ZNF331: variants seen among roughly 807,000 people sequenced by gnomAD.
The protein encoded by ZNF331 is C2H2-like zinc finger protein rearranged in thyroid adenomas.
A neutral mutation model predicts 7.0 loss-of-function variants in ZNF331; 2 were observed. The ratio of observed to expected loss-of-function variants is 0.29; its 90% CI spans 0.12 to 0.90. The LOEUF (loss-of-function observed/expected upper bound fraction) is 0.90. Ranked by LOEUF, ZNF331 falls within the 40% of genes least tolerant of loss-of-function variation. ZNF331 has a pLI of 0.58. For missense variants in ZNF331, 432 were observed against 587.7 expected (o/e 0.74, Z 2.74); for synonymous variants, 196 against 205.4 (o/e 0.95, Z 0.39).
At chr19:53,522,425 C>T (rs1258406364) in intron 1 of ZNF331, among the ~76,000 whole-genome samples, 1 of 151,966 alleles carries the variant, frequency 6.6e-6, no homozygotes, top group East Asian at 1.9e-4. Context: ...TTAGTAGAGA[C>T]GGGATTTCAC....
the ZNF331 span, among the ~76,000 whole-genome samples, chr19:53,514,493 G>A: frequency 1.3e-5 from 2 of 152,212 alleles, no homozygotes; most frequent in Admixed American, 6.5e-5. Context: ...GAGCCACCGC[G>A]CCTAGCCCTA....
At position 53,577,977 on chromosome 19, in the gene ZNF331, G is replaced by T. The variant is rs373263849; in HGVS notation, c.*25G>T. 1.3e-6 allele frequency: 2 copies of T among 1,582,980 alleles called. No homozygotes were observed. Among genetic ancestry groups the T allele is most frequent in the East Asian group, 4.5e-5 (2 of 44,386 alleles). ...AAGAGCCTTTTGAACGCAGTAGCCC[G>T]CTCGTATCTATGGTTTCGCTTTCCA... is the stretch of plus-strand genomic sequence containing the variant. On this transcript the variant is annotated 3_prime_UTR_variant, in exon 6 of 6. Coordinates refer to ENST00000449416, the MANE Select transcript of ZNF331 (RefSeq NM_001079906.2).
chr19:53,504,666 A>G, the ZNF331 span, among the ~76,000 whole-genome samples: 2 of 152,228 alleles, frequency 1.3e-5, no homozygotes, highest in African/African-American at 4.8e-5. Context: ...AGTAAAATAT[A>G]TATTTTCTCA....
chr19:53,577,835 G>GCTTACAC lies in ZNF331; in HGVS notation c.1276_1282dup (p.Gln428ProfsTer17). ...GGAAGAGCTTTAGTCACGGCCATCAGCTTACACAACATCAGAAAACGCACA... is the reference window on the plus strand; with the variant it reads ...GGAAGAGCTTTAGTCACGGCCATCAGCTTACACCTTACACAACATCAGAAAACGCACA... On this transcript the variant is annotated frameshift_variant, in exon 6 of 6. Coordinates refer to ENST00000449416, the MANE Select transcript of ZNF331 (RefSeq NM_001079906.2). LOFTEE classifies it low-confidence loss of function (END_TRUNC). The GCTTACAC allele has an allele frequency of 6.2e-7, 1 of 1,613,574 alleles. No homozygotes were observed. Among genetic ancestry groups the GCTTACAC allele is most frequent in the Non-Finnish European group, 8.5e-7 (1 of 1,179,932 alleles).
At chr19:53,540,405 T>TGTGTGC (rs930647555) in intron 2 of ZNF331, among the ~76,000 whole-genome samples, 1 of 152,094 alleles carries the variant, frequency 6.6e-6, no homozygotes, top group African/African-American at 2.4e-5. Flanking sequence ...CTAGGAGGTG[T>TGTGTGC]GTGTGCTTGG....
At chr19:53,559,638 C>T (rs2089712327) in intron 3 of ZNF331, among the ~76,000 whole-genome samples, 1 of 149,200 alleles carries the variant, frequency 6.7e-6, no homozygotes, top group Non-Finnish European at 1.5e-5. Flanking sequence ...ACACACACAT[C>T]CCATATATAC....
chr19:53,575,499 CTTTTTT>C (rs34296898), intron 5 of ZNF331, among the ~76,000 whole-genome samples: 1 of 75,868 alleles, frequency 1.3e-5, no homozygotes, highest in African/African-American at 5.6e-5. Flanking sequence ...TACCCAGTTG[CTTTTTT>C]TTTTTTTTTT....
chr19:53,528,867 C>T (rs1262686094), intron 2 of ZNF331, among the ~76,000 whole-genome samples: 1 of 152,050 alleles, frequency 6.6e-6, no homozygotes, highest in Non-Finnish European at 1.5e-5. Context: ...CCACTGCAGC[C>T]TCCGCCTCCC....
chr19:53,566,688 C>T (rs1437684688), intron 3 of ZNF331, among the ~76,000 whole-genome samples: 2 of 152,268 alleles, frequency 1.3e-5, no homozygotes, highest in South Asian at 2.1e-4. Flanking sequence ...CACTCTTACA[C>T]GTGAAAGAAG....
At chr19:53,544,631 ACTG>A (rs1344416252) in intron 2 of ZNF331, among the ~76,000 whole-genome samples, 1 of 152,100 alleles carries the variant, frequency 6.6e-6, no homozygotes, top group Non-Finnish European at 1.5e-5. Flanking sequence ...ACTGTGAGAT[ACTG>A]CTATTTTTTT....
At chr19:53,515,607 C>T (rs1013289122), upstream of ZNF331, among the ~76,000 whole-genome samples, 4 of 152,220 alleles carry the variant, frequency 2.6e-5, no homozygotes, top group Admixed American at 6.5e-5. Flanking sequence ...AAGCAATTCT[C>T]CTGCCTCAGC....
upstream of ZNF331, among the ~76,000 whole-genome samples, chr19:53,534,289 T>C (rs570310021): frequency 1.9e-3 from 294 of 151,728 alleles, 2 homozygotes; most frequent in African/African-American, 6.6e-3. Flanking sequence ...CATGACCCCA[T>C]CCTACTTTTT....
exon 1 of ZNF331, chr19:53,521,331 A>AGTGAGTGTGCGTGTGT (rs779905191): frequency 3.9e-5 from 5 of 129,114 alleles, no homozygotes; most frequent in African/African-American, 1.5e-4. Flanking sequence ...AGTGTGTGTG[A>AGTGAGTGTGCGTGTGT]GTGTGTGTGT....
At chr19:53,554,128 G>A (rs2089199211) in intron 2 of ZNF331, among the ~76,000 whole-genome samples, 2 of 152,202 alleles carry the variant, frequency 1.3e-5, no homozygotes. Flanking sequence ...GGCCTGAGTA[G>A]GGCATTCGCT....
At chr19:53,508,363 G>A in the ZNF331 span, among the ~76,000 whole-genome samples, 2 of 152,122 alleles carry the variant, frequency 1.3e-5, no homozygotes, top group African/African-American at 4.8e-5. Flanking sequence ...ACTCATTCAT[G>A]TCACCTTTTA....
intron 2 of ZNF331, among the ~76,000 whole-genome samples, chr19:53,527,034 C>A (rs946830011): frequency 6.6e-6 from 1 of 151,646 alleles, no homozygotes; most frequent in South Asian, 2.1e-4. Flanking sequence ...ACTAAAAATA[C>A]AAAAATTAGC....
chr19:53,540,375 G>C (rs1052790556), intron 2 of ZNF331, among the ~76,000 whole-genome samples: 1 of 152,142 alleles, frequency 6.6e-6, no homozygotes, highest in Non-Finnish European at 1.5e-5. Context: ...GTGTGTGCTT[G>C]GAGGCTCTTT....
intron 2 of ZNF331, among the ~76,000 whole-genome samples, chr19:53,545,268 A>G (rs988143670): frequency 2.6e-5 from 4 of 152,026 alleles, no homozygotes; most frequent in Non-Finnish European, 5.9e-5. Context: ...TGGAATTTTG[A>G]GTCAAAATTA....
At chr19:53,557,306 C>G (rs1244809901) in intron 3 of ZNF331, among the ~76,000 whole-genome samples, 1 of 152,068 alleles carries the variant, frequency 6.6e-6, no homozygotes, top group Non-Finnish European at 1.5e-5. Context: ...AGCCTGAGAC[C>G]AGGGTGCCAG....
Sources: allele counts gnomAD v4.1 joint callset (sites outside exome capture counted in the v4.1 genomes callset), GRCh38; gene constraint gnomAD v4.1.1; transcripts MANE v1.5; gene names NCBI Gene and HGNC (gene_info 2026-07-23, HGNC 2026-07-21).